The following PLEKHH2 variants were observed in gnomAD, a reference collection of about 807,000 sequenced individuals.
The protein encoded by PLEKHH2 is pleckstrin homology, MyTH4 and FERM domain containing H2.
PLEKHH2 carries 129 observed loss-of-function variants against 187.9 expected under a neutral mutation model. The ratio of observed to expected loss-of-function variants is 0.69; its 90% CI spans 0.59 to 0.79. PLEKHH2 has a LOEUF of 0.79. Among genes scored for constraint, PLEKHH2 ranks in the 30% least tolerant of loss-of-function variants. The pLI is 0.00. For missense variants in PLEKHH2, 2,076 were observed against 1,751.2 expected, an observed-to-expected ratio of 1.19 and a Z score of -3.31; for synonymous variants, 686 against 605.6, an observed-to-expected ratio of 1.13 and a Z score of -1.95.
chr2:43,761,374 CT>C (rs796809546), intron 27 of PLEKHH2, among the ~76,000 whole-genome samples: 7 of 136,626 alleles, frequency 5.1e-5, no homozygotes, highest in East Asian at 4.3e-4. Context: ...AATTTCATAG[CT>C]TTTTTTTTCT....
intron 2 of PLEKHH2, among the ~76,000 whole-genome samples, chr2:43,648,275 G>A (rs1370150845): frequency 8.0e-5 from 12 of 150,894 alleles, no homozygotes; most frequent in Middle Eastern, 3.4e-3. Flanking sequence ...TGCAACCTCC[G>A]CCTCCCAGGT....
chr2:43,640,037 C>G (rs1242807149), intron 1 of PLEKHH2, among the ~76,000 whole-genome samples: 1 of 152,050 alleles, frequency 6.6e-6, no homozygotes, highest in African/African-American at 2.4e-5. Context: ...TAATGTTGCT[C>G]TGAACATTTA....
intron 2 of PLEKHH2, among the ~76,000 whole-genome samples, chr2:43,653,201 C>G (rs1264030994): frequency 6.6e-6 from 1 of 151,932 alleles, no homozygotes; most frequent in African/African-American, 2.4e-5. Context: ...CAAGAACCTA[C>G]CATAACAGAT....
chr2:43,693,860 A>G (rs916326244), intron 4 of PLEKHH2, among the ~76,000 whole-genome samples: 1 of 151,506 alleles, frequency 6.6e-6, no homozygotes, highest in African/African-American at 2.4e-5. Flanking sequence ...TTTTTTCCCC[A>G]TTTCTTGATA....
chr2:43,697,302 A>G lies in PLEKHH2; in HGVS notation c.634A>G (p.Met212Val). 1 of 1,613,952 alleles carries G rather than the reference A, an allele frequency of 6.2e-7. No individual in the cohort carries two copies. The highest frequency in any genetic ancestry group is 2.2e-5 in the East Asian group (1 of 44,880). Residue 212 changes from methionine to valine, a missense_variant, in exon 7 of 30, where the codon ATG (methionine) becomes GTG (valine). Transcript: ENST00000282406. ...TCCTCAAGTAGTAAAATCTGAGGAAATGAGCAAGATATCATCGAAAGAACC... is the reference window on the plus strand; with the variant it reads ...TCCTCAAGTAGTAAAATCTGAGGAAGTGAGCAAGATATCATCGAAAGAACC... ...SPPQVVKSEE[M>V]SKISSKEPEF...
chr2:43,730,093 A>T (rs1670965719), intron 18 of PLEKHH2, among the ~76,000 whole-genome samples: 1 of 152,094 alleles, frequency 6.6e-6, no homozygotes, highest in Non-Finnish European at 1.5e-5. Flanking sequence ...TGGCTCATAA[A>T]AGGTGCTTCA....
chr2:43,679,954 C>A (rs968868890), intron 3 of PLEKHH2, among the ~76,000 whole-genome samples: 1 of 152,158 alleles, frequency 6.6e-6, no homozygotes, highest in Non-Finnish European at 1.5e-5. Flanking sequence ...TGTGAGCTCA[C>A]TGTGCTCAGA....
At position 43,710,557 on chromosome 2, in the gene PLEKHH2, TAACA is replaced by T. The variant is rs1369496020; in HGVS notation, c.2292_2295del (p.Thr765PhefsTer3). The T allele has an allele frequency of 3.8e-6, 6 of 1,562,278 alleles. No homozygotes were observed. Among genetic ancestry groups the T allele is most frequent in the Middle Eastern group, 2.2e-4 (1 of 4,480 alleles). ...CATCCTGTAGTATTTTAAGAGGAGATAACAAACAAACAGTTCAGGTACTTAACTT... is the reference window on the plus strand; with the variant it reads ...CATCCTGTAGTATTTTAAGAGGAGATAACAAACAGTTCAGGTACTTAACTT... On this transcript the variant is annotated frameshift_variant, in exon 14 of 30. Transcript: ENST00000282406. LOFTEE classifies it high-confidence loss of function.
chr2:43,713,065 C>T lies in PLEKHH2; in HGVS notation c.2460+682C>T, dbSNP rs567004306. ...ATCTTGGCTGAAGTGTTAACTTAGC[C>T]AATAATTTTGAGTGAACAAATCAAT... On this transcript the variant is annotated intron_variant, in intron 15 of 29. Coordinates refer to ENST00000282406, the MANE Select transcript of PLEKHH2 (RefSeq NM_172069.4). Among the ~76,000 whole-genome samples, 20 of 150,694 alleles carry T rather than the reference C, an allele frequency of 1.3e-4. 1 individual carries two copies. In the South Asian group the frequency reaches 4.2e-3, roughly 31 times the overall value.
At chr2:43,689,254 T>A (rs1419986980) in intron 3 of PLEKHH2, among the ~76,000 whole-genome samples, 14 of 152,228 alleles carry the variant, frequency 9.2e-5, no homozygotes, top group Admixed American at 8.5e-4. Context: ...TCAAGAAGGT[T>A]TGGGAGAAGT....
At chr2:43,703,459 A>G (rs562240473) in intron 8 of PLEKHH2, among the ~76,000 whole-genome samples, 2 of 152,316 alleles carry the variant, frequency 1.3e-5, no homozygotes, top group Non-Finnish European at 2.9e-5. Flanking sequence ...TAGGAAGGCG[A>G]TAGCATTTAA....
chr2:43,676,621 C>A (rs930366807), intron 2 of PLEKHH2, among the ~76,000 whole-genome samples: 5 of 152,022 alleles, frequency 3.3e-5, no homozygotes, highest in African/African-American at 1.2e-4. Context: ...TAAAGTGAGC[C>A]AGACATCAGC....
Position 43,743,932 on chromosome 2 carries a change from G to A in PLEKHH2, c.3498G>A (p.Leu1166=). 1 of 1,614,110 alleles carries A rather than the reference G, an allele frequency of 6.2e-7. No homozygotes were observed. The highest frequency in any genetic ancestry group is 8.5e-7 in the Non-Finnish European group (1 of 1,180,000). ...MRKPAQSGFA[L]FTDDPSGRDL... The stretch of plus-strand genomic sequence containing the variant: ...AACCAGCGCAGTCTGGATTTGCGTT[G>A]TTCACTGACGATCCTTCTGGCAGAG... Residue 1166 remains leucine (L), a synonymous_variant, in exon 23 of 30, where the codon TTG becomes TTA. Transcript: ENST00000282406.
At chr2:43,685,186 A>C (rs1223810397) in intron 3 of PLEKHH2, among the ~76,000 whole-genome samples, 3 of 152,150 alleles carry the variant, frequency 2.0e-5, no homozygotes, top group Non-Finnish European at 4.4e-5. Flanking sequence ...ATGTCCTAAG[A>C]CTCAAACAAC....
intron 21 of PLEKHH2, 130 bp from the exon 22 acceptor site, chr2:43,742,611 C>G: frequency 1.6e-6 from 1 of 617,484 alleles, no homozygotes; most frequent in Non-Finnish European, 2.4e-6. Flanking sequence ...TATTATCATT[C>G]AAAAAAAGTT....
At chr2:43,743,091 T>C (rs569536058) in intron 22 of PLEKHH2, among the ~76,000 whole-genome samples, 173 bp downstream of exon 22, 18 of 152,350 alleles carry the variant, frequency 1.2e-4, no homozygotes, top group Non-Finnish European at 1.5e-4. Flanking sequence ...CTATAAAGGA[T>C]TCACACTAAT....
chr2:43,765,661 A>G lies in PLEKHH2; in HGVS notation c.*63A>G, dbSNP rs954986933. On this transcript the variant is annotated 3_prime_UTR_variant, in exon 30 of 30. Transcript: ENST00000282406. ...TGCTGTGGCTGTATCAGCTCCCTACAAGTTCGTTTACACCTGGCAGCACGG... is the reference window on the plus strand; with the variant it reads ...TGCTGTGGCTGTATCAGCTCCCTACGAGTTCGTTTACACCTGGCAGCACGG... 10 of 1,519,706 alleles carry G rather than the reference A, an allele frequency of 6.6e-6. No homozygotes were observed. Among genetic ancestry groups the G allele is most frequent in the Middle Eastern group, 2.1e-4 (1 of 4,692 alleles). 94.1% of individuals were successfully genotyped at this position (1,519,706 alleles called of 1,614,324 possible).
In PLEKHH2 at chr2:43,677,869, G is replaced by T. The variant is rs553154934; in HGVS notation, c.124-994G>T. Among the ~76,000 whole-genome samples the T allele has an allele frequency of 2.8e-3, 407 of 145,062 alleles. 3 individuals carry two copies. The highest frequency in any genetic ancestry group is 5.0e-3 in the Non-Finnish European group (326 of 65,568). On this transcript the variant is annotated intron_variant, in intron 2 of 29. Transcript: ENST00000282406. ...TCCCTCCCGGACGGGGCGGCTGGCC[G>T]GGCGGGGGGCTGATCTCCCCACCTC... is the stretch of plus-strand genomic sequence containing the variant.
At chr2:43,696,543 T>A (rs1669100252) in intron 6 of PLEKHH2, among the ~76,000 whole-genome samples, 1 of 151,722 alleles carries the variant, frequency 6.6e-6, no homozygotes, top group South Asian at 2.1e-4. Context: ...GATGCTGACC[T>A]AATCACTTCA....
Sources: gnomAD v4.1 joint callset for allele counts (sites outside exome capture counted in the v4.1 genomes callset) on GRCh38, gnomAD v4.1.1 for gene constraint, MANE v1.5 for transcripts, NCBI Gene and HGNC (gene_info 2026-07-23, HGNC 2026-07-21) for gene names.